BAG2: variants seen among roughly 807,000 people sequenced by gnomAD.
The protein encoded by BAG2 is BAG family molecular chaperone regulator 2.
In BAG2, 8 loss-of-function variants were observed where a neutral mutation model predicts 16.4. The observed-to-expected ratio is 0.49, with a 90% CI of 0.29 to 0.88. The LOEUF (loss-of-function observed/expected upper bound fraction) is 0.88. Ranked by LOEUF, BAG2 falls within the 40% of genes least tolerant of loss-of-function variation. BAG2 has a pLI of 0.09. For missense variants in BAG2, 218 were observed against 248.9 expected, an observed-to-expected ratio of 0.88 and a Z score of 0.84; for synonymous variants, 82 against 89.2, an observed-to-expected ratio of 0.92 and a Z score of 0.46.
chr6:57,181,991 T>A, intron 1 of BAG2, 41 bp from the exon 2 acceptor site: 1 of 1,539,118 alleles, frequency 6.5e-7, no homozygotes, highest in South Asian at 1.1e-5. Context: ...AGGAAGAACA[T>A]CCTGCATACA....
chr6:57,184,322 T>C lies in BAG2; in HGVS notation c.*132T>C. On this transcript the variant is annotated 3_prime_UTR_variant, in exon 3 of 3. Transcript: ENST00000370693. ...TGATAGTTGTTTCAGATGAGGAAAATATTCCATCAAGTATCTTCAGTTTTG... is the reference window on the plus strand; with the variant it reads ...TGATAGTTGTTTCAGATGAGGAAAACATTCCATCAAGTATCTTCAGTTTTG... The C allele has an allele frequency of 2.5e-6, 2 of 808,650 alleles. No individual in the cohort carries two copies. Among genetic ancestry groups the C allele is most frequent in the Non-Finnish European group, 3.5e-6 (2 of 578,774 alleles). The allele number at this position is 808,650 out of a possible 1,614,324, so 50.1% of individuals were successfully genotyped here.
chr6:57,182,011 T>C, intron 1 of BAG2, 21 bp from the exon 2 acceptor site: 1 of 1,606,132 alleles, frequency 6.2e-7, no homozygotes, highest in South Asian at 1.1e-5. Flanking sequence ...AATAACCGTT[T>C]TGTTTTCCCA....
intron 2 of BAG2, among the ~76,000 whole-genome samples, chr6:57,183,340 T>A (rs1341676066): frequency 6.6e-6 from 1 of 152,230 alleles, no homozygotes; most frequent in African/African-American, 2.4e-5. Context: ...AGACAGCTTA[T>A]CTTCTATCGT....
chr6:57,177,624 GTA>G (rs1182733579), intron 1 of BAG2, among the ~76,000 whole-genome samples: 1 of 152,124 alleles, frequency 6.6e-6, no homozygotes, highest in Non-Finnish European at 1.5e-5. Flanking sequence ...GTGTGTGTGT[GTA>G]ATTTTTTTAG....
intron 1 of BAG2, among the ~76,000 whole-genome samples, chr6:57,175,459 G>A (rs766792967): frequency 6.6e-6 from 1 of 152,110 alleles, no homozygotes; most frequent in South Asian, 2.1e-4. Flanking sequence ...CTTACCTCTA[G>A]TCTGATTGTG....
chr6:57,179,060 A>G (rs372453194), intron 1 of BAG2, among the ~76,000 whole-genome samples: 8 of 152,346 alleles, frequency 5.3e-5, no homozygotes, highest in African/African-American at 1.9e-4. Context: ...GCATCTTCTC[A>G]TTTATCAATC....
At position 57,185,915 on chromosome 6, in the gene BAG2, C is replaced by T. The variant is rs550519882; in HGVS notation, c.*1725C>T. Reference sequence around the variant, plus strand: ...ATTATTCTGGCTCTGCCTCCTTGACCTTGGTATTCTTAGCATTATTTTTCC... The same window carrying T: ...ATTATTCTGGCTCTGCCTCCTTGACTTTGGTATTCTTAGCATTATTTTTCC... On this transcript the variant is annotated 3_prime_UTR_variant, in exon 3 of 3. Coordinates refer to ENST00000370693, the MANE Select transcript of BAG2 (RefSeq NM_004282.4). 6.6e-6 allele frequency: 1 copy of T among 152,250 alleles called. No individual in the cohort carries two copies. Among genetic ancestry groups the T allele is most frequent in the South Asian group, 2.1e-4 (1 of 4,832 alleles). 9.4% of individuals were successfully genotyped at this position (152,250 alleles called of 1,614,324 possible). A position where few individuals can be genotyped will look rare whatever the true frequency, so the allele number is the denominator to read the frequency against.
At position 57,187,739 on chromosome 6, in the gene BAG2, A is replaced by G. The variant is rs571419463; in HGVS notation, c.*3549A>G. On this transcript the variant is annotated 3_prime_UTR_variant, in exon 3 of 3. Transcript: ENST00000370693. The stretch of plus-strand genomic sequence containing the variant: ...CCTAAAACTCACAGGTCCAAGGAGT[A>G]CATGTTATTTATTGAGAGTTCCTTC... The G allele has an allele frequency of 2.6e-5, 4 of 152,314 alleles. No individual in the cohort carries two copies. The East Asian group carries it at 7.7e-4, about 29-fold the overall frequency. The allele number at this position is 152,314 out of a possible 1,614,324, so 9.4% of individuals were successfully genotyped here.
chr6:57,184,105 CTGACAAGG>C lies in BAG2; in HGVS notation c.552_559del (p.Asp185HisfsTer8), dbSNP rs1266671458. On this transcript the variant is annotated frameshift_variant, in exon 3 of 3. Coordinates refer to ENST00000370693, the MANE Select transcript of BAG2 (RefSeq NM_004282.4). LOFTEE classifies it high-confidence loss of function. ...ACTCTGCTTAGAAATATTGAAAACTCTGACAAGGCCATCAAGCTATTAGAGCATTCTAA... is the reference window on the plus strand; with the variant it reads ...ACTCTGCTTAGAAATATTGAAAACTCCCATCAAGCTATTAGAGCATTCTAA... 6.2e-7 allele frequency: 1 copy of C among 1,605,286 alleles called. No homozygotes were observed. Among genetic ancestry groups the C allele is most frequent in the Non-Finnish European group, 8.5e-7 (1 of 1,177,848 alleles).
intron 2 of BAG2, among the ~76,000 whole-genome samples, 157 bp from the exon 3 acceptor site, chr6:57,183,621 C>T (rs934051751): frequency 3.9e-5 from 6 of 152,184 alleles, no homozygotes; most frequent in African/African-American, 1.4e-4. Context: ...TTTCTGTAAT[C>T]TAATACATTT....
chr6:57,172,479 C>T lies in BAG2; in HGVS notation c.-219C>T, dbSNP rs1050948680. 1.3e-5 allele frequency: 5 copies of T among 391,140 alleles called. No homozygotes were observed. The highest frequency in any genetic ancestry group is 1.1e-4 in the African/African-American group (5 of 47,074). 24.2% of individuals were successfully genotyped at this position (391,140 alleles called of 1,614,324 possible). On this transcript the variant is annotated 5_prime_UTR_variant, in exon 1 of 3. Transcript: ENST00000370693. ...AACTCCAGCCGCTGCAGCCCCCTCC[C>T]AGGCCCGGCGTCCCCGAGCCCCGCG...
chr6:57,173,516 A>C, intron 1 of BAG2: 1 of 978,896 alleles, frequency 1.0e-6, no homozygotes, highest in Non-Finnish European at 1.2e-6. Flanking sequence ...ACTGGCCTGA[A>C]AGCATGAAAA....
rs533001074 is a variant in BAG2 at position 57,185,975 on chromosome 6, T to C, written c.*1785T>C. On this transcript the variant is annotated 3_prime_UTR_variant, in exon 3 of 3. Coordinates refer to ENST00000370693, the MANE Select transcript of BAG2 (RefSeq NM_004282.4). ...GCAATGGAGTTTTTAATGGAGGTCA[T>C]TGATTTCTGATCACAGACTTGAAGA... 9 of 152,282 alleles carry C rather than the reference T, an allele frequency of 5.9e-5. No homozygotes were observed. Among genetic ancestry groups the C allele is most frequent in the African/African-American group, 2.2e-4 (9 of 41,558 alleles). 9.4% of individuals were successfully genotyped at this position (152,282 alleles called of 1,614,324 possible).
intron 1 of BAG2, among the ~76,000 whole-genome samples, chr6:57,180,615 C>A (rs1238571657): frequency 6.6e-6 from 1 of 151,866 alleles, no homozygotes; most frequent in African/African-American, 2.4e-5. Flanking sequence ...AACATTCTTA[C>A]CTAACTGCAT....
At chr6:57,183,549 T>C (rs767477841) in intron 2 of BAG2, among the ~76,000 whole-genome samples, 1 of 152,190 alleles carries the variant, frequency 6.6e-6, no homozygotes, top group Non-Finnish European at 1.5e-5. Flanking sequence ...GACATGCCAA[T>C]TTGAGAAGTC....
chr6:57,179,237 A>G (rs1764369991), intron 1 of BAG2, among the ~76,000 whole-genome samples: 1 of 152,208 alleles, frequency 6.6e-6, no homozygotes, highest in South Asian at 2.1e-4. Flanking sequence ...TGGTCCTGGA[A>G]TAGGGCCTGA....
At chr6:57,173,080 C>A in intron 1 of BAG2, 1 of 942,104 alleles carries the variant, frequency 1.1e-6, no homozygotes. Flanking sequence ...ATTAATTTAC[C>A]TAGGTGTTAG....
intron 1 of BAG2, among the ~76,000 whole-genome samples, chr6:57,179,261 A>G (rs559923738): frequency 9.2e-5 from 14 of 152,334 alleles, no homozygotes; most frequent in African/African-American, 3.1e-4. Context: ...TTGCATTACT[A>G]TTAGTTAGTA....
intron 1 of BAG2, among the ~76,000 whole-genome samples, chr6:57,181,673 T>C (rs1278833009): frequency 1.3e-5 from 2 of 152,036 alleles, no homozygotes; most frequent in African/African-American, 4.8e-5. Context: ...CCAACCTGGG[T>C]GACAAAGCAA....
Sources: gnomAD v4.1 joint callset for allele counts (sites outside exome capture counted in the v4.1 genomes callset) on GRCh38, gnomAD v4.1.1 for gene constraint, MANE v1.5 for transcripts, NCBI Gene and HGNC (gene_info 2026-07-23, HGNC 2026-07-21) for gene names.